The following SLC36A4 variants were observed in gnomAD, a reference collection of about 807,000 sequenced individuals.
SLC36A4 encodes solute carrier family 36 member 4, also known as neutral amino acid uniporter 4.
Under a neutral mutation model 50.5 loss-of-function variants are expected in SLC36A4, and 49 were observed. That is an observed-to-expected ratio of 0.97 (90% CI 0.77 to 1.23). The LOEUF is 1.23. Ranked by LOEUF, SLC36A4 falls within the 50% of genes most tolerant of loss-of-function variation. SLC36A4 has a pLI of 0.00. For synonymous variants in SLC36A4, 207 were observed against 206.5 expected (o/e 1.00, Z -0.02); for missense variants, 611 against 608.4 (o/e 1.00, Z -0.05).
At chr11:93,165,819 TAAAAAA>T in intron 8 of SLC36A4, 93 bp downstream of exon 8, 1 of 710,916 alleles carries the variant, frequency 1.4e-6, no homozygotes, top group Non-Finnish European at 2.1e-6. Context: ...AAAATTGAAA[TAAAAAA>T]GAAAAATATG....
At chr11:93,155,103 T>C (rs921147349) in intron 9 of SLC36A4, 1 of 152,138 alleles carries the variant, frequency 6.6e-6, no homozygotes, top group Non-Finnish European at 1.5e-5. Context: ...TTGTAGGACC[T>C]AGAGGAAGAA....
intron 1 of SLC36A4, among the ~76,000 whole-genome samples, chr11:93,192,751 T>C (rs1862266627): frequency 6.6e-6 from 1 of 152,154 alleles, no homozygotes; most frequent in Non-Finnish European, 1.5e-5. Context: ...AAGCGCTCAA[T>C]AACCATATAA....
intron 5 of SLC36A4, 105 bp from the exon 6 acceptor site, chr11:93,180,986 T>C: frequency 1.3e-6 from 1 of 794,410 alleles, no homozygotes; most frequent in Non-Finnish European, 2.1e-6. Context: ...ATAGCATATA[T>C]TCTCCTACTC....
chr11:93,183,004 C>A (rs1861803702), intron 3 of SLC36A4, 110 bp from the exon 4 acceptor site: 1 of 709,850 alleles, frequency 1.4e-6, no homozygotes, highest in Non-Finnish European at 2.3e-6. Flanking sequence ...ATTTGTTGAG[C>A]AAAATGATTA....
chr11:93,181,345 C>T (rs2134691827), intron 5 of SLC36A4, among the ~76,000 whole-genome samples: 1 of 152,088 alleles, frequency 6.6e-6, no homozygotes, highest in African/African-American at 2.4e-5. Context: ...TCTTGTTTTC[C>T]TTTATTTAAA....
intron 10 of SLC36A4, among the ~76,000 whole-genome samples, chr11:93,151,398 T>C (rs1449260477): frequency 2.0e-5 from 3 of 152,030 alleles, no homozygotes; most frequent in Non-Finnish European, 2.9e-5. Flanking sequence ...TAAAAGCCTA[T>C]TTAGGTCCAT....
At chr11:93,166,735 G>C (rs966326722) in intron 7 of SLC36A4, 1 of 152,122 alleles carries the variant, frequency 6.6e-6, no homozygotes, top group African/African-American at 2.4e-5. Context: ...TGCTTTGCCT[G>C]ATTGGAAGCA....
Position 93,147,145 on chromosome 11 carries a change from T to G in SLC36A4, c.*1392A>C, listed in dbSNP as rs1371872236. Reference sequence around the variant, plus strand: ...GGTACACGCCACATCAGGCTAATTTTTTTTTAAATTTTTATGTTTTATAGA... The same window carrying G: ...GGTACACGCCACATCAGGCTAATTTGTTTTTAAATTTTTATGTTTTATAGA... On this transcript the variant is annotated 3_prime_UTR_variant, in exon 11 of 11. Transcript: ENST00000326402. 6.6e-6 allele frequency: 1 copy of G among 152,070 alleles called. No individual in the cohort carries two copies. Among genetic ancestry groups the G allele is most frequent in the Non-Finnish European group, 1.5e-5 (1 of 68,008 alleles). The allele number at this position is 152,070 out of a possible 1,614,324, so 9.4% of individuals were successfully genotyped here. A position where few individuals can be genotyped will look rare whatever the true frequency, so the allele number is the denominator to read the frequency against.
At chr11:93,189,079 T>C (rs892123586) in intron 1 of SLC36A4, among the ~76,000 whole-genome samples, 1 of 151,770 alleles carries the variant, frequency 6.6e-6, no homozygotes, top group African/African-American at 2.4e-5. Flanking sequence ...TTTTTTTTTT[T>C]AGACAAGAGT....
At chr11:93,152,931 T>A (rs1038156838) in intron 10 of SLC36A4, among the ~76,000 whole-genome samples, 8 of 151,948 alleles carry the variant, frequency 5.3e-5, no homozygotes, top group Admixed American at 3.9e-4. Flanking sequence ...TCCTACTGAA[T>A]GTTTTTTCAT....
chr11:93,155,540 GCTTT>G (rs1232264286), intron 9 of SLC36A4: 1 of 151,932 alleles, frequency 6.6e-6, no homozygotes, highest in Non-Finnish European at 1.5e-5. Flanking sequence ...CATTAATGGA[GCTTT>G]ATTTCTGATG....
chr11:93,187,173 G>A (rs1282356230), intron 1 of SLC36A4, among the ~76,000 whole-genome samples: 1 of 151,504 alleles, frequency 6.6e-6, no homozygotes, highest in Non-Finnish European at 1.5e-5. Context: ...GCTTTTATAT[G>A]CTACTTTTGA....
At position 93,197,688 on chromosome 11, in the gene SLC36A4, G is replaced by A. The variant is rs961649573; in HGVS notation, c.55+90C>T. Reference sequence around the variant, plus strand: ...AATCGGGCCTCAACTCAGGCCAAGCGCGGGGCCCCTGGAGGTGTGGGCGCA... The same window carrying A: ...AATCGGGCCTCAACTCAGGCCAAGCACGGGGCCCCTGGAGGTGTGGGCGCA... On this transcript the variant is annotated intron_variant, in intron 1 of 10. Coordinates refer to ENST00000326402, the MANE Select transcript of SLC36A4 (RefSeq NM_152313.4). The A allele has an allele frequency of 1.7e-5, 24 of 1,400,858 alleles. No homozygotes were observed. In the African/African-American group the frequency reaches 3.1e-4, roughly 18 times the overall value. 86.8% of individuals were successfully genotyped at this position (1,400,858 alleles called of 1,614,324 possible).
At chr11:93,187,865 C>T (rs934766858) in intron 1 of SLC36A4, among the ~76,000 whole-genome samples, 16 of 152,180 alleles carry the variant, frequency 1.1e-4, no homozygotes, top group Non-Finnish European at 2.1e-4. Flanking sequence ...TATCTCTCAC[C>T]TCCAGAAGCA....
intron 1 of SLC36A4, among the ~76,000 whole-genome samples, chr11:93,191,315 AGGC>A (rs1862208526): frequency 1.3e-5 from 2 of 152,220 alleles, no homozygotes; most frequent in African/African-American, 4.8e-5. Flanking sequence ...ATTGGTCACA[AGGC>A]TGAGTGGGGC....
chr11:93,168,685 T>C (rs1241911069), intron 6 of SLC36A4, among the ~76,000 whole-genome samples: 3 of 152,054 alleles, frequency 2.0e-5, no homozygotes, highest in Non-Finnish European at 2.9e-5. Context: ...ATAAAGCAAT[T>C]ATTTATAAAT....
intron 9 of SLC36A4, among the ~76,000 whole-genome samples, chr11:93,156,327 G>T (rs553008333): frequency 6.6e-6 from 1 of 152,194 alleles, no homozygotes; most frequent in East Asian, 1.9e-4. Flanking sequence ...TTTCTCTAAT[G>T]ATCAGTAATG....
At chr11:93,156,971 T>A (rs925504430) in intron 9 of SLC36A4, among the ~76,000 whole-genome samples, 2 of 152,170 alleles carry the variant, frequency 1.3e-5, no homozygotes, top group African/African-American at 4.8e-5. Context: ...GTTTTTATAG[T>A]CTGGGGTTTC....
chr11:93,159,851 ATAACCC>A, intron 9 of SLC36A4: 1 of 985,420 alleles, frequency 1.0e-6, no homozygotes, highest in Non-Finnish European at 1.2e-6. Flanking sequence ...TCTTGCAGAA[ATAACCC>A]TAATATACTC....
Sources: allele counts gnomAD v4.1 joint callset (sites outside exome capture counted in the v4.1 genomes callset), GRCh38; gene constraint gnomAD v4.1.1; transcripts MANE v1.5; gene names NCBI Gene and HGNC (gene_info 2026-07-23, HGNC 2026-07-21).